The following LIFR variants were observed in gnomAD, a reference collection of about 807,000 sequenced individuals.
The protein encoded by LIFR is leukemia inhibitory factor receptor.
LIFR carries 84 observed loss-of-function variants against 122.2 expected under a neutral mutation model. That is an observed-to-expected ratio of 0.69 (90% CI 0.58 to 0.82). LIFR has a LOEUF of 0.82. LIFR is among the 40% of genes least tolerant of loss of function. The probability of loss-of-function intolerance (pLI) is 0.00; values close to 1 mark genes in which losing one functional copy is unlikely to be tolerated. For missense variants in LIFR, 1,294 were observed against 1,311.6 expected (o/e 0.99, Z 0.21); for synonymous variants, 422 against 434.7 (o/e 0.97, Z 0.36).
At chr5:38,517,383 T>C (rs1265285341) in intron 5 of LIFR, among the ~76,000 whole-genome samples, 3 of 152,134 alleles carry the variant, frequency 2.0e-5, no homozygotes, top group African/African-American at 7.2e-5. Context: ...CCTAAGCCTG[T>C]AAGTGGTAAC....
intron 4 of LIFR, 101 bp downstream of exon 4, chr5:38,527,053 GT>G (rs1746726216): frequency 2.8e-6 from 3 of 1,057,872 alleles, no homozygotes; most frequent in African/African-American, 3.2e-5. Context: ...TGAATTAAAA[GT>G]AATAGCATAA....
In LIFR at chr5:38,528,787, A is replaced by G; in HGVS notation, c.196T>C (p.Ser66Pro). 6.3e-7 allele frequency: 1 copy of G among 1,596,874 alleles called. No homozygotes were observed. The highest frequency in any genetic ancestry group is 8.5e-7 in the Non-Finnish European group (1 of 1,170,322). ...CCTGTTCCAGAGGGTGCTTTCCAAG[A>G]ACAGTTCCACACTTGCAAATTGTTA... The part of the protein sequence containing the change: ...VTNNLQVWNC[S>P]WKAPSGTGRG... The change falls in exon 3 of 20, where the codon TCT becomes CCT. Residue 66 changes from serine to proline, a missense_variant. Ser to Pro is a moderately conservative substitution (Grantham distance 74). Coordinates refer to ENST00000453190, the MANE Select transcript of LIFR (RefSeq NM_001127671.2).
chr5:38,544,371 G>A (rs1415506216), intron 1 of LIFR, among the ~76,000 whole-genome samples: 1 of 152,000 alleles, frequency 6.6e-6, no homozygotes, highest in Non-Finnish European at 1.5e-5. Context: ...TCTCTCCTTT[G>A]GTCACCGGCT....
At chr5:38,522,177 C>T (rs186569099) in intron 5 of LIFR, among the ~76,000 whole-genome samples, 81 of 152,298 alleles carry the variant, frequency 5.3e-4, no homozygotes, top group Admixed American at 1.8e-3. Flanking sequence ...CTGTAGTCTG[C>T]GCTTCACTCA....
At chr5:38,607,180 C>T (rs1028433934) in intron 1 of LIFR, among the ~76,000 whole-genome samples, 2 of 152,162 alleles carry the variant, frequency 1.3e-5, no homozygotes. Flanking sequence ...AATCCAAGCA[C>T]TCATTCTTAG....
intron 1 of LIFR, among the ~76,000 whole-genome samples, chr5:38,565,626 T>G (rs1748996295): frequency 1.3e-5 from 2 of 151,798 alleles, no homozygotes; most frequent in South Asian, 4.2e-4. Flanking sequence ...TCGCTCTTGT[T>G]GCCCAGGCTG....
At position 38,568,333 on chromosome 5, in the gene LIFR, A is replaced by T. The variant is rs540666289; in HGVS notation, c.-20+26928T>A. Among the ~76,000 whole-genome samples, 12 of 152,296 alleles carry T rather than the reference A, an allele frequency of 7.9e-5. No individual in the cohort carries two copies. In the East Asian group the frequency reaches 2.3e-3, roughly 29 times the overall value. On this transcript the variant is annotated intron_variant, in intron 1 of 19. Coordinates refer to the LIFR transcript ENST00000263409. ...AGGAATTTTTGAGCAGAGAGGGCTA[A>T]ATGAAATGAGACAAGGGCCTATGGG...
chr5:38,519,201 G>A (rs1580097072), intron 5 of LIFR, among the ~76,000 whole-genome samples: 1 of 152,326 alleles, frequency 6.6e-6, no homozygotes, highest in East Asian at 1.9e-4. Context: ...ATTGTACCAT[G>A]TAGACTACAG....
intron 1 of LIFR, among the ~76,000 whole-genome samples, chr5:38,543,174 A>G (rs1299371078): frequency 3.9e-5 from 6 of 152,024 alleles, no homozygotes; most frequent in African/African-American, 7.2e-5. Flanking sequence ...AAGGTTAATA[A>G]GAATGATACT....
intron 1 of LIFR, among the ~76,000 whole-genome samples, chr5:38,542,096 A>G (rs1424428012): frequency 6.6e-6 from 1 of 152,214 alleles, no homozygotes; most frequent in Non-Finnish European, 1.5e-5. Flanking sequence ...TTAACATGAA[A>G]CATAAATTAT....
chr5:38,567,496 GTATTTATTTATTTATT>G (rs56285132), intron 1 of LIFR, among the ~76,000 whole-genome samples: 20 of 132,888 alleles, frequency 1.5e-4, no homozygotes, highest in Non-Finnish European at 2.7e-4. Context: ...TGACCATTCT[GTATTTATTTATTTATT>G]TATTTATTTA....
At chr5:38,496,624 A>T (rs1744893754) in intron 12 of LIFR, 29 bp from the exon 13 acceptor site, 2 of 1,504,308 alleles carry the variant, frequency 1.3e-6, no homozygotes, top group Non-Finnish European at 9.2e-7. Context: ...TTGTTATAAA[A>T]CCCTGCAAAA....
Position 38,523,561 on chromosome 5 carries a change from T to G in LIFR, c.419A>C (p.Glu140Ala), listed in dbSNP as rs779013959. Residue 140 changes from glutamate to alanine, a missense_variant, in exon 5 of 20, where the codon GAG becomes GCG. Physicochemically the swap from Glu to Ala is moderately radical, Grantham distance 107. Coordinates refer to ENST00000453190, the MANE Select transcript of LIFR (RefSeq NM_001127671.2). ...QNVSLIPDTP[E>A]ILNLSADFST... ...GAAATCAGCAGACAAATTCAAGATCTCTGGAGTATCTGGAATTAAGGCTTT... is the reference window on the plus strand; with the variant it reads ...GAAATCAGCAGACAAATTCAAGATCGCTGGAGTATCTGGAATTAAGGCTTT... The G allele has an allele frequency of 1.2e-6, 2 of 1,612,850 alleles. No homozygotes were observed. Among genetic ancestry groups the G allele is most frequent in the South Asian group, 2.2e-5 (2 of 90,992 alleles).
intron 1 of LIFR, among the ~76,000 whole-genome samples, chr5:38,587,363 A>G (rs1266826258): frequency 6.6e-6 from 1 of 152,144 alleles, no homozygotes; most frequent in African/African-American, 2.4e-5. Context: ...TATTCCGGCA[A>G]ACAGGGAGGC....
At position 38,510,593 on chromosome 5, in the gene LIFR, G is replaced by A; in HGVS notation, c.862C>T (p.Pro288Ser). 3.7e-6 allele frequency: 6 copies of A among 1,613,986 alleles called. No homozygotes were observed. The highest frequency in any genetic ancestry group is 5.1e-6 in the Non-Finnish European group (6 of 1,179,974). The change falls in exon 7 of 20, where the codon CCC (proline) becomes TCC (serine). Residue 288 changes from proline to serine, a missense_variant. Pro to Ser is a moderately conservative substitution (Grantham distance 74). Transcript: ENST00000453190. ...LSALIGHTNC[P>S]LIHLDGENVA... ...TTTTCCCCATCAAGATGGATCAAGG[G>A]GCAGTTTGTATGGCCAATCAGTGCT...
At chr5:38,504,830 G>C (rs1362992973) in intron 9 of LIFR, among the ~76,000 whole-genome samples, 1 of 152,178 alleles carries the variant, frequency 6.6e-6, no homozygotes, top group Admixed American at 6.6e-5. Context: ...AAAGACGACA[G>C]GAAAGAACAA....
intron 5 of LIFR, among the ~76,000 whole-genome samples, chr5:38,519,192 T>C (rs891869594): frequency 1.3e-5 from 2 of 152,226 alleles, no homozygotes; most frequent in Non-Finnish European, 2.9e-5. Flanking sequence ...TGTGGTCTAA[T>C]TGTACCATGT....
intron 1 of LIFR, among the ~76,000 whole-genome samples, chr5:38,574,640 C>T (rs1323993712): frequency 6.6e-6 from 1 of 152,200 alleles, no homozygotes; most frequent in East Asian, 1.9e-4. Flanking sequence ...AAACTGAGAG[C>T]AAGTTCGAAC....
At chr5:38,496,267 TCAGCAGC>T (rs1393060569) in intron 13 of LIFR, 108 bp downstream of exon 13, 11 of 841,438 alleles carry the variant, frequency 1.3e-5, no homozygotes, top group Non-Finnish European at 2.2e-5. Flanking sequence ...GCCTTCTAGG[TCAGCAGC>T]AACAAGGTAT....
Sources: allele counts gnomAD v4.1 joint callset (sites outside exome capture counted in the v4.1 genomes callset), GRCh38; gene constraint gnomAD v4.1.1; transcripts MANE v1.5; gene names NCBI Gene and HGNC (gene_info 2026-07-23, HGNC 2026-07-21).